The following PRAME variants were observed in gnomAD, a reference collection of about 807,000 sequenced individuals.
PRAME encodes melanoma antigen preferentially expressed in tumors.
PRAME carries 21 observed loss-of-function variants against 32.1 expected under a neutral mutation model. That is an observed-to-expected ratio of 0.65 (90% confidence interval 0.46 to 0.94). PRAME has a LOEUF of 0.94. Among genes scored for constraint, PRAME ranks in the 40% least tolerant of loss-of-function variants. The probability of loss-of-function intolerance (pLI) is 0.00; values close to 1 mark genes in which losing one functional copy is unlikely to be tolerated. For missense variants in PRAME, 651 were observed against 622.3 expected (o/e 1.05, Z -0.49); for synonymous variants, 274 against 251.5 (o/e 1.09, Z -0.85).
At chr22:22,548,835 G>A (rs1391667815) in intron 5 of PRAME, among the ~76,000 whole-genome samples, 192 bp from the exon 6 acceptor site, 1 of 151,746 alleles carries the variant, frequency 6.6e-6, no homozygotes, top group Non-Finnish European at 1.5e-5. Flanking sequence ...TGTGTAAGTG[G>A]GTCAAGTAAA....
chr22:22,558,532 GA>G (rs1163119182), intron 1 of PRAME, among the ~76,000 whole-genome samples: 1 of 112,906 alleles, frequency 8.9e-6, no homozygotes, highest in Admixed American at 8.9e-5. Flanking sequence ...GAGAGTGGGG[GA>G]GGGGGTGGGG....
Position 22,548,339 on chromosome 22 carries a change from T to C in PRAME, c.1258A>G (p.Ile420Val), listed in dbSNP as rs755976722. 1.4e-5 allele frequency: 23 copies of C among 1,613,502 alleles called. No individual in the cohort carries two copies. The Middle Eastern group carries it at 6.6e-4, about 46-fold the overall frequency. The change falls in exon 6 of 6, where the codon ATA becomes GTA. Residue 420 changes from isoleucine (I) to valine (V), a missense_variant. Transcript: ENST00000405655. Reference sequence around the variant, plus strand: ...TGCAGGAGACTCTGCAGGGCAGATATGGAGATGGAATTCCCGTAGAAGCTT... The same window carrying C: ...TGCAGGAGACTCTGCAGGGCAGATACGGAGATGGAATTCCCGTAGAAGCTT... Reference protein sequence around the residue: ...TLSFYGNSISISALQSLLQHL... With the variant: ...TLSFYGNSISVSALQSLLQHL...
intron 3 of PRAME, 120 bp downstream of exon 3, chr22:22,556,692 C>A (rs925653037): frequency 2.7e-5 from 32 of 1,197,118 alleles, no homozygotes; most frequent in Non-Finnish European, 3.8e-5. Context: ...AAAAGCGGCT[C>A]CTGCCTCTTC....
chr22:22,550,469 C>T, intron 4 of PRAME, 135 bp from the exon 5 acceptor site: 1 of 1,231,444 alleles, frequency 8.1e-7, no homozygotes, highest in Admixed American at 2.5e-5. Context: ...GTACTTCAGG[C>T]ATCAGCTGCT....
At chr22:22,551,245 C>T (rs888714861) in intron 3 of PRAME, among the ~76,000 whole-genome samples, 156 bp from the exon 4 acceptor site, 6 of 151,932 alleles carry the variant, frequency 3.9e-5, no homozygotes, top group African/African-American at 9.7e-5. Flanking sequence ...ACTCTGCACT[C>T]GGTGGCCACA....
chr22:22,552,880 C>G, intron 3 of PRAME: 1 of 470,880 alleles, frequency 2.1e-6, no homozygotes, highest in Non-Finnish European at 4.4e-6. Flanking sequence ...TCCATGGCCT[C>G]TGGGTCCCTC....
chr22:22,553,776 A>G (rs1388459628), intron 3 of PRAME: 3 of 984,088 alleles, frequency 3.0e-6, no homozygotes, highest in Non-Finnish European at 3.6e-6. Context: ...CAGGAAAGAA[A>G]TAAACAAGGG....
intron 3 of PRAME, chr22:22,556,066 T>C (rs1048592387): frequency 8.9e-6 from 3 of 337,710 alleles, no homozygotes; most frequent in African/African-American, 6.5e-5. Context: ...CCATCTTGGC[T>C]CACTGCAACC....
At chr22:22,553,906 T>TA in intron 3 of PRAME, 1 of 985,126 alleles carries the variant, frequency 1.0e-6, no homozygotes, top group Non-Finnish European at 1.2e-6. Flanking sequence ...ACCACAAACA[T>TA]AATCTCCAAT....
In PRAME at chr22:22,550,408, A is replaced by G. The variant is rs1601799347; in HGVS notation, c.345-74T>C. 2.0e-6 allele frequency: 3 copies of G among 1,534,048 alleles called. No individual in the cohort carries two copies. In the Admixed American group the frequency reaches 5.8e-5, roughly 30 times the overall value. On this transcript the variant is annotated intron_variant, in intron 4 of 5. Coordinates refer to ENST00000405655, the MANE Select transcript of PRAME (RefSeq NM_206956.3). ...TCAAAATAAGACCATGAGTCTCATA[A>G]TGTAGGTAAGAACCAAACAGACATC...
rs2062486817 is a variant in PRAME at position 22,550,250 on chromosome 22, C to T, written c.429G>A (p.Leu143=). 5.0e-6 allele frequency: 8 copies of T among 1,613,670 alleles called. No homozygotes were observed. The highest frequency in any genetic ancestry group is 6.8e-6 in the Non-Finnish European group (8 of 1,179,978). ...CTGCTTCTGGCTCTGGAAATGAGTA[C>T]AGACTGGCCCTGTTTCCAGACCATA... ...WTVWSGNRAS[L]YSFPEPEAAQ... Residue 143 remains leucine, a synonymous_variant, in exon 5 of 6, where the codon CTG becomes CTA. Transcript: ENST00000405655.
intron 3 of PRAME, among the ~76,000 whole-genome samples, chr22:22,551,730 T>C (rs937252099): frequency 3.3e-5 from 5 of 151,880 alleles, no homozygotes; most frequent in African/African-American, 4.8e-5. Flanking sequence ...GAGCAAACAC[T>C]TCACAGTAAA....
chr22:22,551,658 G>GT (rs2062581182), intron 3 of PRAME, among the ~76,000 whole-genome samples: 1 of 151,404 alleles, frequency 6.6e-6, no homozygotes, highest in Non-Finnish European at 1.5e-5. Flanking sequence ...TCTGAGACAT[G>GT]TATTTTAAGT....
rs2062950888 is a variant in PRAME at position 22,556,759 on chromosome 22, G to A, written c.21+53C>T. On this transcript the variant is annotated intron_variant, in intron 3 of 5. Transcript: ENST00000405655. ...CCATCTGGCTCGAGTGACAAGGACAGAGGGGAACAGGGCTTCTCTGAGCAC... is the reference window on the plus strand; with the variant it reads ...CCATCTGGCTCGAGTGACAAGGACAAAGGGGAACAGGGCTTCTCTGAGCAC... 1.9e-6 allele frequency: 3 copies of A among 1,607,778 alleles called. No individual in the cohort carries two copies. In the Admixed American group the frequency reaches 5.0e-5, roughly 27 times the overall value.
rs758362238 is a variant in PRAME at position 22,548,625 on chromosome 22, C to A, written c.972G>T (p.Leu324Phe). Residue 324 changes from leucine (L) to phenylalanine (F), a missense_variant, in exon 6 of 6, where the codon TTG becomes TTT. By Grantham distance (22) the Leu-to-Phe change is conservative (BLOSUM62 0). Transcript: ENST00000405655. The part of the protein sequence containing the change: ...DQLLRHVMNP[L>F]ETLSITNCRL... The stretch of plus-strand genomic sequence containing the variant: ...GGCAGTTAGTTATTGAGAGGGTTTC[C>A]AAGGGGTTCATCACGTGCCTGCAAA... 4 of 1,601,668 alleles carry A rather than the reference C, an allele frequency of 2.5e-6. No individual in the cohort carries two copies. The South Asian group carries it at 4.4e-5, about 18-fold the overall frequency.
At chr22:22,551,115 C>G in intron 3 of PRAME, 26 bp from the exon 4 acceptor site, 1 of 1,528,300 alleles carries the variant, frequency 6.5e-7, no homozygotes, top group Non-Finnish European at 8.8e-7. Context: ...GGGAACAAGG[C>G]ATCCCTTTCA....
intron 3 of PRAME, chr22:22,555,784 C>A: frequency 2.2e-6 from 1 of 445,078 alleles, no homozygotes; most frequent in South Asian, 1.6e-5. Flanking sequence ...AGGTGGCACC[C>A]AAGGATGAGG....
At chr22:22,555,779 G>C (rs2062869706) in intron 3 of PRAME, 4 of 442,714 alleles carry the variant, frequency 9.0e-6, no homozygotes, top group Admixed American at 4.9e-5. Flanking sequence ...TCCCCAGGTG[G>C]CACCCAAGGA....
rs879242406 is a variant in PRAME, at chr22:22,547,702, G to A, written c.*365C>T. 1 of 238,394 alleles carries A rather than the reference G, an allele frequency of 4.2e-6. No homozygotes were observed. Among genetic ancestry groups the A allele is most frequent in the South Asian group, 8.9e-5 (1 of 11,184 alleles). 14.8% of individuals were successfully genotyped at this position (238,394 alleles called of 1,614,324 possible). ...GTTCATATACTACAAGACACCAGGT[G>A]CTTCACATTGCTTCTCTTTATTTTC... On this transcript the variant is annotated 3_prime_UTR_variant, in exon 6 of 6. Coordinates refer to ENST00000405655, the MANE Select transcript of PRAME (RefSeq NM_206956.3).
Sources: allele counts gnomAD v4.1 joint callset (sites outside exome capture counted in the v4.1 genomes callset), GRCh38; gene constraint gnomAD v4.1.1; transcripts MANE v1.5; gene names NCBI Gene and HGNC (gene_info 2026-07-23, HGNC 2026-07-21).